SIMC1: variants seen among roughly 807,000 people sequenced by gnomAD.
The protein encoded by SIMC1 is SUMO interacting motifs containing 1.
Under a neutral mutation model 82.3 loss-of-function variants are expected in SIMC1, and 55 were observed. That is an observed-to-expected ratio of 0.67 (90% CI 0.54 to 0.84). The LOEUF is 0.84. Ranked by LOEUF, SIMC1 falls within the 40% of genes least tolerant of loss-of-function variation. The pLI, the probability that SIMC1 is intolerant of heterozygous loss-of-function variation, is 0.00. For synonymous variants in SIMC1, 353 were observed against 426.3 expected (o/e 0.83, Z 2.12); for missense variants, 915 against 1,107.2 (o/e 0.83, Z 2.46).
chr5:176,274,441 C>T (rs2113193563), intron 1 of SIMC1, among the ~76,000 whole-genome samples: 1 of 151,634 alleles, frequency 6.6e-6, no homozygotes, highest in East Asian at 1.9e-4. Flanking sequence ...AAAATTTTCT[C>T]CAATTTTGTG....
rs147174198 is a variant in SIMC1, at chr5:176,332,146, T to A, written c.2172-4574T>A. Among the ~76,000 whole-genome samples, 384 of 152,372 alleles carry A rather than the reference T, an allele frequency of 2.5e-3. 3 individuals carry two copies. The highest frequency in any genetic ancestry group is 8.7e-3 in the African/African-American group (363 of 41,596). On this transcript the variant is annotated intron_variant, in intron 7 of 9. Transcript: ENST00000429602. ...TTAATATAAGTATTGGTTTTATACC[T>A]GTAATCTGACTATTTGTTTCCTGTT...
intron 1 of SIMC1, among the ~76,000 whole-genome samples, chr5:176,280,595 A>C (rs925225183): frequency 2.0e-5 from 3 of 152,040 alleles, no homozygotes; most frequent in Non-Finnish European, 2.9e-5. Context: ...TTCCATGTTT[A>C]GTGCTTCCTT....
chr5:176,292,917 A>T (rs1282931903), intron 2 of SIMC1, among the ~76,000 whole-genome samples: 2 of 152,100 alleles, frequency 1.3e-5, no homozygotes, highest in Non-Finnish European at 2.9e-5. Flanking sequence ...CATTTTACAT[A>T]TTTTAATAAT....
rs1763215342 is a variant in SIMC1 at position 176,285,244 on chromosome 5, T to C, written c.130-4410T>C. ...ATTGATGCAAAAATCCTCAATAAAA[T>C]ACTGGCAAACCGAATCCAGCAGCAC... On this transcript the variant is annotated intron_variant, in intron 1 of 9. Transcript: ENST00000429602. Among the ~76,000 whole-genome samples the C allele has an allele frequency of 2.6e-5, 4 of 152,196 alleles. No individual in the cohort carries two copies. In the South Asian group the frequency reaches 8.3e-4, roughly 32 times the overall value.
chr5:176,273,681 A>T (rs1290571540), intron 1 of SIMC1, among the ~76,000 whole-genome samples: 1 of 151,918 alleles, frequency 6.6e-6, no homozygotes, highest in Admixed American at 6.6e-5. Context: ...CAGTCCCCAG[A>T]GTGTGATGTT....
At chr5:176,317,508 T>C (rs1360755550) in intron 5 of SIMC1, among the ~76,000 whole-genome samples, 2 of 152,204 alleles carry the variant, frequency 1.3e-5, no homozygotes, top group Non-Finnish European at 2.9e-5. Flanking sequence ...TTTTCATTGT[T>C]AGCCATTATC....
intron 1 of SIMC1, among the ~76,000 whole-genome samples, chr5:176,280,852 C>T (rs1350360667): frequency 2.0e-5 from 3 of 152,298 alleles, no homozygotes; most frequent in South Asian, 2.1e-4. Context: ...TTCTCTCTGG[C>T]TGCCCTTAAC....
At chr5:176,257,110 C>T (rs1411688717) in intron 1 of SIMC1, among the ~76,000 whole-genome samples, 1 of 152,090 alleles carries the variant, frequency 6.6e-6, no homozygotes, top group East Asian at 1.9e-4. Context: ...CTGGGTTTTC[C>T]ATTATGTTTC....
intron 9 of SIMC1, among the ~76,000 whole-genome samples, chr5:176,341,621 T>G (rs1766149306): frequency 6.6e-6 from 1 of 152,160 alleles, no homozygotes; most frequent in Non-Finnish European, 1.5e-5. Flanking sequence ...TGAAGATAAC[T>G]TTGACAGGGC....
At chr5:176,279,656 A>C (rs557204877) in intron 1 of SIMC1, among the ~76,000 whole-genome samples, 1 of 150,016 alleles carries the variant, frequency 6.7e-6, no homozygotes, top group African/African-American at 2.5e-5. Context: ...TGCGTCCCAG[A>C]GATTCTGGTA....
At chr5:176,256,313 A>G (rs1417225677) in intron 1 of SIMC1, among the ~76,000 whole-genome samples, 1 of 152,158 alleles carries the variant, frequency 6.6e-6, no homozygotes, top group Non-Finnish European at 1.5e-5. Context: ...ATATAAATAT[A>G]TATACACGTA....
intron 4 of SIMC1, among the ~76,000 whole-genome samples, chr5:176,306,214 G>A (rs1312064876): frequency 4.8e-5 from 3 of 62,500 alleles, no homozygotes; most frequent in South Asian, 5.5e-4. Flanking sequence ...GGTGAGGGGC[G>A]CCTCTGCCCG....
Position 176,331,738 on chromosome 5 carries a change from G to T in SIMC1, c.2172-4982G>T, listed in dbSNP as rs1175940173. ...GATCCTAGCACTTTGGGAGGCCAAG[G>T]TGGGCGAATCAGCTGAGGTCAGGAG... On this transcript the variant is annotated intron_variant, in intron 7 of 9. Coordinates refer to ENST00000429602, the MANE Select transcript of SIMC1 (RefSeq NM_001308195.2). Among the ~76,000 whole-genome samples the T allele has an allele frequency of 3.9e-5, 6 of 152,046 alleles. 1 individual carries two copies. The highest frequency in any genetic ancestry group is 1.4e-4 in the African/African-American group (6 of 41,446).
chr5:176,245,320 A>G (rs1299028164), intron 1 of SIMC1, among the ~76,000 whole-genome samples: 2 of 152,186 alleles, frequency 1.3e-5, no homozygotes, highest in African/African-American at 2.4e-5. Context: ...GCCAAGGAAC[A>G]CCGAGGACTG....
chr5:176,325,264 A>G (rs1345625767), intron 7 of SIMC1, among the ~76,000 whole-genome samples: 1 of 152,102 alleles, frequency 6.6e-6, no homozygotes, highest in African/African-American at 2.4e-5. Context: ...GTGCACACCT[A>G]TAATCTCAGC....
At chr5:176,307,423 C>T (rs974231830) in intron 4 of SIMC1, among the ~76,000 whole-genome samples, 2 of 152,126 alleles carry the variant, frequency 1.3e-5, no homozygotes, top group Non-Finnish European at 2.9e-5. Flanking sequence ...TTTTTTGAGA[C>T]AGAGTCTTGC....
At chr5:176,296,999 G>A (rs1479677334) in intron 4 of SIMC1, among the ~76,000 whole-genome samples, 1 of 152,188 alleles carries the variant, frequency 6.6e-6, no homozygotes, top group African/African-American at 2.4e-5. Context: ...TACAGCCAAG[G>A]AAGGATGAAT....
At chr5:176,286,662 CA>C (rs1485289417) in intron 1 of SIMC1, among the ~76,000 whole-genome samples, 1 of 152,214 alleles carries the variant, frequency 6.6e-6, no homozygotes, top group East Asian at 1.9e-4. Flanking sequence ...AGCTTCTGCA[CA>C]GCAAAAGAAA....
intron 1 of SIMC1, among the ~76,000 whole-genome samples, chr5:176,275,258 C>A (rs1168838420): frequency 6.6e-6 from 1 of 151,670 alleles, no homozygotes; most frequent in Non-Finnish European, 1.5e-5. Context: ...GGAGTTCACT[C>A]ATGATTTGGC....
Sources: gnomAD v4.1 joint callset for allele counts (sites outside exome capture counted in the v4.1 genomes callset) on GRCh38, gnomAD v4.1.1 for gene constraint, MANE v1.5 for transcripts, NCBI Gene and HGNC (gene_info 2026-07-23, HGNC 2026-07-21) for gene names.